The following MYOF variants were observed in gnomAD, a reference collection of about 807,000 sequenced individuals.
MYOF encodes fer-1-like 3, myoferlin.
Under a neutral mutation model 284.2 loss-of-function variants are expected in MYOF, and 244 were observed. That is an observed-to-expected ratio of 0.86 (90% CI 0.77 to 0.95). The LOEUF (loss-of-function observed/expected upper bound fraction) is 0.95. Ranked by LOEUF, MYOF falls within the 40% of genes least tolerant of loss-of-function variation. The probability of loss-of-function intolerance (pLI) is 0.00; values close to 1 mark genes in which losing one functional copy is unlikely to be tolerated. For missense variants in MYOF, 2,496 were observed against 2,560.6 expected, an observed-to-expected ratio of 0.97 and a Z score of 0.54; for synonymous variants, 904 against 919.7, an observed-to-expected ratio of 0.98 and a Z score of 0.31.
intron 17 of MYOF, among the ~76,000 whole-genome samples, chr10:93,389,537 A>T (rs1389327457): frequency 1.3e-5 from 2 of 152,238 alleles, no homozygotes; most frequent in African/African-American, 2.4e-5. Flanking sequence ...GACATATTTT[A>T]TGAACTTTAT....
chr10:93,392,348 A>G (rs1450162981), intron 17 of MYOF, among the ~76,000 whole-genome samples: 1 of 152,148 alleles, frequency 6.6e-6, no homozygotes, highest in Non-Finnish European at 1.5e-5. Context: ...CAGAGTCTTC[A>G]TCTATTAGGG....
At chr10:93,347,865 G>T in intron 36 of MYOF, 83 bp from the exon 37 acceptor site, 1 of 1,367,220 alleles carries the variant, frequency 7.3e-7, no homozygotes, top group Non-Finnish European at 1.0e-6. Flanking sequence ...GACCAGTCCA[G>T]ATTCTCTCTG....
chr10:93,314,242 C>A (rs1225548841), intron 50 of MYOF, among the ~76,000 whole-genome samples: 1 of 152,162 alleles, frequency 6.6e-6, no homozygotes, highest in Non-Finnish European at 1.5e-5. Context: ...GTGTGCACCA[C>A]AATGCCCGGC....
In MYOF at chr10:93,356,798, A is replaced by C. The variant is rs1427943675; in HGVS notation, c.3171T>G (p.Ile1057Met). 1 of 1,614,188 alleles carries C rather than the reference A, an allele frequency of 6.2e-7. No homozygotes were observed. The highest frequency in any genetic ancestry group is 2.2e-5 in the East Asian group (1 of 44,892). ...GTTGTTTCCAGTGAAATTTCCAGCC[A>C]ATTAGAGAAGCATATTCCCAGCCCT... ...DQEGWEYASL[I>M]GWKFHWKQRS... The change falls in exon 30 of 54, where the codon ATT (isoleucine) becomes ATG (methionine). Residue 1057 changes from isoleucine (I) to methionine (M), a missense_variant. Around this residue, in one of 3 missense-constraint regions of MYOF, gnomAD observed 2,436 missense variants for 2,480.7 expected, o/e 0.98. Transcript: ENST00000359263.
At chr10:93,421,580 A>G (rs1282854030) in intron 5 of MYOF, among the ~76,000 whole-genome samples, 1 of 152,142 alleles carries the variant, frequency 6.6e-6, no homozygotes. Flanking sequence ...TCCCTCCTGA[A>G]AGGCTTGGTG....
At chr10:93,429,878 C>A (rs1043470439) in intron 4 of MYOF, among the ~76,000 whole-genome samples, 2 of 151,774 alleles carry the variant, frequency 1.3e-5, no homozygotes, top group Admixed American at 6.6e-5. Flanking sequence ...AAAGCACATG[C>A]ACTAGAGAAA....
chr10:93,443,796 C>T (rs1370298824), intron 3 of MYOF, among the ~76,000 whole-genome samples: 1 of 152,066 alleles, frequency 6.6e-6, no homozygotes, highest in Non-Finnish European at 1.5e-5. Flanking sequence ...TAAATCTAAT[C>T]CCTTAGCATA....
At chr10:93,453,427 G>A (rs948705740) in intron 2 of MYOF, among the ~76,000 whole-genome samples, 1 of 151,938 alleles carries the variant, frequency 6.6e-6, no homozygotes, top group Non-Finnish European at 1.5e-5. Context: ...ACCTCCCAAA[G>A]TGCTGGGATT....
At chr10:93,332,226 A>ATTTTT (rs10657534) in intron 43 of MYOF, among the ~76,000 whole-genome samples, 1 of 147,722 alleles carries the variant, frequency 6.8e-6, no homozygotes, top group Non-Finnish European at 1.5e-5. Flanking sequence ...TCATTCTTTT[A>ATTTTT]TTTTTTTTTT....
At chr10:93,383,117 T>C (rs1846203745) in intron 19 of MYOF, among the ~76,000 whole-genome samples, 1 of 152,102 alleles carries the variant, frequency 6.6e-6, no homozygotes, top group South Asian at 2.1e-4. Context: ...GGCTGGTCTC[T>C]AACTCCTGAC....
intron 53 of MYOF, among the ~76,000 whole-genome samples, chr10:93,308,596 A>C (rs1842237006): frequency 1.3e-5 from 2 of 151,938 alleles, no homozygotes; most frequent in Non-Finnish European, 2.9e-5. Flanking sequence ...AAAAAAAAAA[A>C]AAAAGCAGTT....
At chr10:93,322,314 G>T (rs1842876342) in intron 48 of MYOF, among the ~76,000 whole-genome samples, 1 of 152,184 alleles carries the variant, frequency 6.6e-6, no homozygotes, top group South Asian at 2.1e-4. Flanking sequence ...CTATGTGCCA[G>T]GCACTGTCCT....
In MYOF at chr10:93,402,332, C is replaced by T. The variant is rs1847334178; in HGVS notation, c.890G>A (p.Arg297Lys). Residue 297 changes from arginine to lysine, a missense_variant, in exon 11 of 54, where the codon AGA (arginine) becomes AAA (lysine). Arg to Lys is a conservative substitution (Grantham distance 26). Coordinates refer to ENST00000359263, the MANE Select transcript of MYOF (RefSeq NM_013451.4). ...CGGGTCATTGAGAAGAAGCCACTTT[C>T]TCATGACAGCATGGCCTAAAATAGA... ...VYDEPGHAVM[R>K]KWLLLNDPED... 1.2e-6 allele frequency: 2 copies of T among 1,613,660 alleles called. No homozygotes were observed. Among genetic ancestry groups the T allele is most frequent in the African/African-American group, 2.7e-5 (2 of 74,918 alleles).
intron 53 of MYOF, among the ~76,000 whole-genome samples, 193 bp from the exon 54 acceptor site, chr10:93,307,194 CCG>C (rs1491494996): frequency 2.1e-4 from 25 of 120,500 alleles, no homozygotes; most frequent in Middle Eastern, 4.3e-3. Flanking sequence ...TAGCACCCCC[CCG>C]CCAAGTTGTT....
At chr10:93,396,063 G>A (rs1846991760) in intron 16 of MYOF, 79 bp downstream of exon 16, 5 of 1,090,698 alleles carry the variant, frequency 4.6e-6, no homozygotes, top group Non-Finnish European at 6.8e-6. Context: ...CTGTGAGGTG[G>A]CTACCCCAGT....
chr10:93,416,597 GCTT>G, intron 5 of MYOF, among the ~76,000 whole-genome samples: 1 of 97,354 alleles, frequency 1.0e-5, no homozygotes, highest in South Asian at 3.8e-4. Context: ...CTTTGATCAG[GCTT>G]TTTTTTTTTT....
intron 21 of MYOF, 43 bp downstream of exon 21, chr10:93,379,820 A>T: frequency 6.2e-7 from 1 of 1,609,766 alleles, no homozygotes; most frequent in Non-Finnish European, 8.5e-7. Context: ...TACCTAATTC[A>T]CCCTGCTTGG....
intron 38 of MYOF, among the ~76,000 whole-genome samples, chr10:93,342,143 T>G (rs149020231): frequency 6.6e-6 from 1 of 152,174 alleles, no homozygotes; most frequent in East Asian, 1.9e-4. Flanking sequence ...GTTTCCGGAG[T>G]GTGACACTGT....
At chr10:93,436,529 C>T (rs532240586) in intron 3 of MYOF, among the ~76,000 whole-genome samples, 4 of 152,092 alleles carry the variant, frequency 2.6e-5, no homozygotes, top group African/African-American at 4.8e-5. Flanking sequence ...TGACGGCCTG[C>T]AAAGACTTTA....
Sources: gnomAD v4.1 joint callset for allele counts (sites outside exome capture counted in the v4.1 genomes callset) on GRCh38, gnomAD v4.1.1 for gene constraint, gnomAD v4.1.1 regional missense constraint, MANE v1.5 for transcripts, NCBI Gene and HGNC (gene_info 2026-07-23, HGNC 2026-07-21) for gene names.